Variants in STK11 observed in about 807,000 individuals in gnomAD.
STK11 encodes the protein serine/threonine-protein kinase STK11.
In STK11, 8 loss-of-function variants were observed where a neutral mutation model predicts 47.3. The observed-to-expected ratio is 0.17, with a 90% confidence interval of 0.10 to 0.31. STK11 has a LOEUF of 0.31. STK11 is among the 10% of genes least tolerant of loss of function. The pLI is 1.00. For synonymous variants in STK11, 330 were observed against 255.8 expected (o/e 1.29, Z -2.77); for missense variants, 475 against 605.0 (o/e 0.79, Z 2.25).
chr19:1,224,844 TG>T, intron 8 of STK11: 21 of 985,448 alleles, frequency 2.1e-5, no homozygotes, highest in Non-Finnish European at 2.5e-5. Flanking sequence ...GGTACTCAGG[TG>T]GACGCCCCTC....
Position 1,216,700 on chromosome 19 carries a change from C to G in STK11, c.291-1717C>G, listed in dbSNP as rs549764262. Reference sequence around the variant, plus strand: ...AGCCTGGGCAGCACGGTGAAACTGTCTCTACTAAAATACAAAAATTAGCTG... The same window carrying G: ...AGCCTGGGCAGCACGGTGAAACTGTGTCTACTAAAATACAAAAATTAGCTG... On this transcript the variant is annotated intron_variant, in intron 1 of 9. Transcript: ENST00000326873. 2.6e-5 allele frequency among the ~76,000 whole-genome samples: 4 copies of G among 151,770 alleles called. No individual in the cohort carries two copies. The South Asian group carries it at 8.3e-4, about 32-fold the overall frequency.
In STK11 at chr19:1,219,424, G is replaced by A. The variant is rs571895916; in HGVS notation, c.464+11G>A. On this transcript the variant is annotated intron_variant, in intron 3 of 9. Coordinates refer to ENST00000326873, the MANE Select transcript of STK11 (RefSeq NM_000455.5). ...GTGCCAGGCCCACGGGTGCGTGCGC[G>A]GGGCAGGGGCCAGGGTGGGGCGGGG... 17 of 1,567,244 alleles carry A rather than the reference G, an allele frequency of 1.1e-5. No individual in the cohort carries two copies. Among genetic ancestry groups the A allele is most frequent in the East Asian group, 7.1e-5 (3 of 42,170 alleles).
At chr19:1,225,236 A>G in intron 8 of STK11, 1 of 984,554 alleles carries the variant, frequency 1.0e-6, no homozygotes, top group South Asian at 4.7e-5. Flanking sequence ...GCTCAGACCT[A>G]TGGGTGCAAT....
intron 6 of STK11, 177 bp from the exon 7 acceptor site, chr19:1,221,772 C>T (rs547557352): frequency 7.9e-5 from 55 of 695,048 alleles, no homozygotes; most frequent in Middle Eastern, 6.9e-4. Flanking sequence ...AGGCTGTCCC[C>T]GGCATGTCCC....
intron 1 of STK11, among the ~76,000 whole-genome samples, chr19:1,209,079 G>C (rs1266766312): frequency 6.6e-6 from 1 of 152,142 alleles, no homozygotes; most frequent in East Asian, 1.9e-4. Flanking sequence ...TGCCCAGTCT[G>C]GACCCGGGTA....
intron 1 of STK11, among the ~76,000 whole-genome samples, chr19:1,212,844 C>T (rs2080720731): frequency 1.3e-5 from 2 of 151,598 alleles, no homozygotes; most frequent in African/African-American, 2.4e-5. Flanking sequence ...GTGCCCGGCC[C>T]ACCTTTTTAT....
At chr19:1,211,931 C>T (rs1258311759) in intron 1 of STK11, among the ~76,000 whole-genome samples, 1 of 152,256 alleles carries the variant, frequency 6.6e-6, no homozygotes, top group Non-Finnish European at 1.5e-5. Flanking sequence ...GTTCCAGCAT[C>T]TGCTGAGGCC....
chr19:1,224,461 G>A (rs2080807348), intron 8 of STK11: 1 of 985,410 alleles, frequency 1.0e-6, no homozygotes, highest in South Asian at 4.7e-5. Context: ...AGGGTCTTCT[G>A]CCTTTCAGAG....
intron 1 of STK11, among the ~76,000 whole-genome samples, chr19:1,215,648 C>T (rs58046938): frequency 0.021 from 3,221 of 152,326 alleles, 117 homozygotes; most frequent in African/African-American, 0.074. Context: ...GGGACTGGTG[C>T]ACTGGGAGGG....
Position 1,226,167 on chromosome 19 carries a change from C to T in STK11, c.1109-287C>T, listed in dbSNP as rs147145269. The T allele has an allele frequency of 1.3e-4, 170 of 1,274,194 alleles. No individual in the cohort carries two copies. The African/African-American group carries it at 2.2e-3, about 17-fold the overall frequency. 78.9% of individuals were successfully genotyped at this position (1,274,194 alleles called of 1,614,324 possible). ...TTGCCTCCTACTCGTGAGGTTCCTG[C>T]AGTCAGTACCTGGGTGGGGTCCCAC... On this transcript the variant is annotated intron_variant, in intron 8 of 9. Coordinates refer to ENST00000326873, the MANE Select transcript of STK11 (RefSeq NM_000455.5).
intron 1 of STK11, among the ~76,000 whole-genome samples, chr19:1,208,166 G>T (rs937754785): frequency 6.6e-6 from 1 of 152,100 alleles, no homozygotes; most frequent in Non-Finnish European, 1.5e-5. Context: ...CCCTGCGCAG[G>T]GCACCATGAC....
At chr19:1,217,905 GAGGC>G (rs957754303) in intron 1 of STK11, among the ~76,000 whole-genome samples, 2 of 152,178 alleles carry the variant, frequency 1.3e-5, no homozygotes, top group African/African-American at 4.8e-5. Context: ...TGTCCTTTGG[GAGGC>G]CGAGGCGGGC....
At chr19:1,222,487 C>T (rs779987461) in intron 7 of STK11, among the ~76,000 whole-genome samples, 8 of 152,216 alleles carry the variant, frequency 5.3e-5, no homozygotes, top group African/African-American at 9.7e-5. Context: ...GCCCTTGAGC[C>T]GTCTGCTGGA....
chr19:1,208,901 G>A (rs1024631227), intron 1 of STK11, among the ~76,000 whole-genome samples: 1 of 151,392 alleles, frequency 6.6e-6, no homozygotes, highest in Admixed American at 6.6e-5. Flanking sequence ...GATTAAAGGC[G>A]TGAGCCACCG....
chr19:1,226,864 C>G, intron 9 of STK11: 4 of 640,268 alleles, frequency 6.2e-6, no homozygotes, highest in Non-Finnish European at 1.0e-5. Context: ...GGCCAGCGTG[C>G]TGGTCATGGA....
At chr19:1,207,740 C>T (rs1329435016) in intron 1 of STK11, among the ~76,000 whole-genome samples, 1 of 152,232 alleles carries the variant, frequency 6.6e-6, no homozygotes, top group Non-Finnish European at 1.5e-5. Context: ...GGAAACGTAG[C>T]CTTTCCTCAT....
chr19:1,221,274 A>G lies in STK11; in HGVS notation c.796A>G (p.Asn266Asp), dbSNP rs2145427004. 6.2e-7 allele frequency: 1 copy of G among 1,612,092 alleles called. No homozygotes were observed. Among genetic ancestry groups the G allele is most frequent in the Non-Finnish European group, 8.5e-7 (1 of 1,179,434 alleles). ...EGDNIYKLFENIGKGSYAIPG... is the reference protein window; with the variant it reads ...EGDNIYKLFEDIGKGSYAIPG... Reference sequence around the variant, plus strand: ...GGACAACATCTACAAGTTGTTTGAGAACATCGGGAAGGGGAGCTACGCCAT... The same window carrying G: ...GGACAACATCTACAAGTTGTTTGAGGACATCGGGAAGGGGAGCTACGCCAT... The change falls in exon 6 of 10, where the codon AAC (asparagine) becomes GAC (aspartate). Residue 266 changes from asparagine (N) to aspartate (D), a missense_variant. Transcript: ENST00000326873.
intron 1 of STK11, among the ~76,000 whole-genome samples, chr19:1,212,064 C>CG (rs1471233442): frequency 6.6e-6 from 1 of 152,010 alleles, no homozygotes; most frequent in Non-Finnish European, 1.5e-5. Flanking sequence ...CGCAGAACAG[C>CG]GGGGGTAATG....
At chr19:1,210,654 G>C (rs1599918866) in intron 1 of STK11, among the ~76,000 whole-genome samples, 1 of 152,220 alleles carries the variant, frequency 6.6e-6, no homozygotes, top group Non-Finnish European at 1.5e-5. Flanking sequence ...TGGATCACCC[G>C]AGGTTGGGAG....
Sources: gnomAD v4.1 joint callset for allele counts (sites outside exome capture counted in the v4.1 genomes callset) on GRCh38, gnomAD v4.1.1 for gene constraint, MANE v1.5 for transcripts, NCBI Gene and HGNC (gene_info 2026-07-23, HGNC 2026-07-21) for gene names.